The following ADGRG7 variants were observed in gnomAD, a reference collection of about 807,000 sequenced individuals.
ADGRG7 encodes the protein adhesion G protein-coupled receptor G7, also known as G-protein coupled receptor 128.
A neutral mutation model predicts 88.6 loss-of-function variants in ADGRG7; 82 were observed. The ratio of observed to expected loss-of-function variants is 0.93; its 90% CI spans 0.77 to 1.11. The LOEUF (loss-of-function observed/expected upper bound fraction) is 1.11, where lower values mean the gene tolerates loss of function less well. Ranked by LOEUF, ADGRG7 falls within the 50% of genes most tolerant of loss-of-function variation. The probability of loss-of-function intolerance (pLI) is 0.00; values close to 1 mark genes in which losing one functional copy is unlikely to be tolerated. For missense variants in ADGRG7, 945 were observed against 953.4 expected (o/e 0.99, Z 0.12); for synonymous variants, 381 against 345.2 (o/e 1.10, Z -1.15).
intron 10 of ADGRG7, among the ~76,000 whole-genome samples, chr3:100,648,015 A>G (rs1707784293): frequency 6.6e-6 from 1 of 151,994 alleles, no homozygotes; most frequent in African/African-American, 2.4e-5. Flanking sequence ...CATTTGGATT[A>G]TTTCTTTTCT....
At chr3:100,681,080 C>T (rs1194590327) in intron 15 of ADGRG7, among the ~76,000 whole-genome samples, 1 of 151,968 alleles carries the variant, frequency 6.6e-6, no homozygotes, top group Admixed American at 6.5e-5. Context: ...TATATTTTTC[C>T]TTTGGAAATA....
intron 15 of ADGRG7, among the ~76,000 whole-genome samples, chr3:100,685,548 T>C (rs2094980662): frequency 6.6e-6 from 1 of 152,018 alleles, no homozygotes; most frequent in South Asian, 2.1e-4. Context: ...CAACAGTCCC[T>C]GGTGTGTGAT....
chr3:100,685,567 T>G (rs2094980689), intron 15 of ADGRG7, among the ~76,000 whole-genome samples: 1 of 152,102 alleles, frequency 6.6e-6, no homozygotes, highest in Non-Finnish European at 1.5e-5. Flanking sequence ...ATGTTCCCCT[T>G]TCTGTGTCCA....
chr3:100,659,548 T>A (rs986006660), intron 13 of ADGRG7, 140 bp from the exon 14 acceptor site: 10 of 623,098 alleles, frequency 1.6e-5, no homozygotes, highest in Middle Eastern at 4.2e-4. Flanking sequence ...TCATAAGTCA[T>A]CTCAAATGTG....
At chr3:100,677,333 TAACA>T (rs556667576) in intron 15 of ADGRG7, among the ~76,000 whole-genome samples, 70 of 152,260 alleles carry the variant, frequency 4.6e-4, no homozygotes, top group African/African-American at 1.3e-3. Context: ...TTGCATAAAC[TAACA>T]AACAAAGAGA....
At chr3:100,633,657 C>T (rs1248043225) in intron 4 of ADGRG7, among the ~76,000 whole-genome samples, 1 of 152,016 alleles carries the variant, frequency 6.6e-6, no homozygotes, top group Non-Finnish European at 1.5e-5. Flanking sequence ...CCTGAGTAAG[C>T]TGGGATTACT....
At chr3:100,611,421 A>T (rs948691937) in intron 1 of ADGRG7, among the ~76,000 whole-genome samples, 3 of 152,112 alleles carry the variant, frequency 2.0e-5, no homozygotes, top group Non-Finnish European at 4.4e-5. Context: ...ACACAGTTAT[A>T]GCAAAACCAT....
chr3:100,635,662 T>C lies in ADGRG7; in HGVS notation c.448-15T>C. 2 of 1,606,222 alleles carry C rather than the reference T, an allele frequency of 1.2e-6. No homozygotes were observed. Among genetic ancestry groups the C allele is most frequent in the Non-Finnish European group, 1.7e-6 (2 of 1,177,490 alleles). On this transcript the variant is annotated splice_polypyrimidine_tract_variant and intron_variant, in intron 4 of 15. Coordinates refer to ENST00000273352, the MANE Select transcript of ADGRG7 (RefSeq NM_032787.3). The stretch of plus-strand genomic sequence containing the variant: ...TTGTGTAAAGCTAGGGTTTTTTTTC[T>C]GGTTTTTAAAACAGGTAAAGGATGT...
chr3:100,622,610 T>C (rs1707329779), intron 1 of ADGRG7, among the ~76,000 whole-genome samples: 3 of 152,198 alleles, frequency 2.0e-5, no homozygotes. Context: ...TGGGTTCTTA[T>C]TATTAATGTG....
At chr3:100,659,900 A>G (rs1196399034) in intron 14 of ADGRG7, 57 bp downstream of exon 14, 3 of 1,528,502 alleles carry the variant, frequency 2.0e-6, no homozygotes, top group Non-Finnish European at 2.7e-6. Context: ...CACTTAACGC[A>G]GCACCATAAC....
chr3:100,663,664 C>T (rs1165536), intron 14 of ADGRG7, among the ~76,000 whole-genome samples: 1 of 151,682 alleles, frequency 6.6e-6, no homozygotes, highest in Non-Finnish European at 1.5e-5. Context: ...ATACAAAGAA[C>T]ATACGAATGG....
chr3:100,642,317 G>T (rs1044800959), intron 6 of ADGRG7, among the ~76,000 whole-genome samples: 7 of 152,130 alleles, frequency 4.6e-5, no homozygotes, highest in African/African-American at 1.4e-4. Context: ...TGCTGAAAAT[G>T]GTTTTATAAA....
intron 11 of ADGRG7, among the ~76,000 whole-genome samples, chr3:100,651,790 A>G (rs1255404182): frequency 6.6e-6 from 1 of 152,144 alleles, no homozygotes; most frequent in Non-Finnish European, 1.5e-5. Flanking sequence ...ACAGGTTCCC[A>G]TATAATAATA....
chr3:100,687,260 C>A (rs1180431408), intron 15 of ADGRG7, among the ~76,000 whole-genome samples: 1 of 152,162 alleles, frequency 6.6e-6, no homozygotes, highest in Non-Finnish European at 1.5e-5. Context: ...TGCTTACCAG[C>A]TTAAGGAGAT....
At chr3:100,648,037 CAG>C (rs1707785175) in intron 10 of ADGRG7, among the ~76,000 whole-genome samples, 1 of 152,104 alleles carries the variant, frequency 6.6e-6, no homozygotes. Flanking sequence ...ATTTGTATTA[CAG>C]AGAGATCTGC....
At chr3:100,689,315 T>C (rs1426066237) in intron 15 of ADGRG7, among the ~76,000 whole-genome samples, 1 of 152,202 alleles carries the variant, frequency 6.6e-6, no homozygotes, top group East Asian at 1.9e-4. Context: ...CACTGATGGG[T>C]CTTGACTCTT....
intron 3 of ADGRG7, 86 bp downstream of exon 3, chr3:100,630,895 C>T (rs1707451157): frequency 1.6e-6 from 1 of 617,468 alleles, no homozygotes; most frequent in Non-Finnish European, 2.6e-6. Flanking sequence ...GTGTTAGGTC[C>T]CTGAAGGGCA....
chr3:100,629,225 T>C (rs565945032), intron 1 of ADGRG7, among the ~76,000 whole-genome samples: 1 of 152,234 alleles, frequency 6.6e-6, no homozygotes, highest in East Asian at 1.9e-4. Flanking sequence ...CATCAACCTC[T>C]CTCCTATGTG....
intron 4 of ADGRG7, 48 bp downstream of exon 4, chr3:100,633,425 C>T (rs370231378): frequency 1.2e-5 from 13 of 1,050,550 alleles, no homozygotes; most frequent in African/African-American, 6.6e-5. Flanking sequence ...GTTCTGATTC[C>T]GTGCAGTTTC....
Sources: gnomAD v4.1 joint callset for allele counts (sites outside exome capture counted in the v4.1 genomes callset) on GRCh38, gnomAD v4.1.1 for gene constraint, MANE v1.5 for transcripts, NCBI Gene and HGNC (gene_info 2026-07-23, HGNC 2026-07-21) for gene names.